Variants in ANKRD33B observed in about 807,000 individuals in gnomAD.
ANKRD33B encodes the protein ankyrin repeat domain 33B.
ANKRD33B carries 6 observed loss-of-function variants against 21.5 expected under a neutral mutation model. The observed-to-expected ratio is 0.28, with a 90% CI of 0.15 to 0.55. The LOEUF is 0.55. Among genes scored for constraint, ANKRD33B ranks in the 20% least tolerant of loss-of-function variants. The probability of loss-of-function intolerance (pLI) is 0.94; values close to 1 mark genes in which losing one functional copy is unlikely to be tolerated. For synonymous variants in ANKRD33B, 347 were observed against 342.4 expected (o/e 1.01, Z -0.15); for missense variants, 698 against 747.2 (o/e 0.93, Z 0.77).
intron 3 of ANKRD33B, among the ~76,000 whole-genome samples, chr5:10,648,625 A>G (rs1444153981): frequency 2.6e-5 from 4 of 152,264 alleles, no homozygotes; most frequent in East Asian, 1.9e-4. Flanking sequence ...CTGGCGTGGT[A>G]GCACATGCCT....
chr5:10,638,450 C>A (rs1736927042), intron 3 of ANKRD33B, among the ~76,000 whole-genome samples: 1 of 152,210 alleles, frequency 6.6e-6, no homozygotes, highest in African/African-American at 2.4e-5. Flanking sequence ...CCGTTCTACA[C>A]CCCAAGTCCT....
chr5:10,629,243 G>A (rs950424314), intron 2 of ANKRD33B, among the ~76,000 whole-genome samples: 4 of 152,298 alleles, frequency 2.6e-5, no homozygotes, highest in South Asian at 2.1e-4. Flanking sequence ...CCATGGGGAC[G>A]TGGTAGCCCA....
intron 3 of ANKRD33B, among the ~76,000 whole-genome samples, chr5:10,643,549 C>T (rs1737113727): frequency 6.6e-6 from 1 of 152,166 alleles, no homozygotes; most frequent in Non-Finnish European, 1.5e-5. Context: ...GGCATGGTGG[C>T]CCACGTCTGT....
At chr5:10,648,523 GC>G (rs1737240707) in intron 3 of ANKRD33B, among the ~76,000 whole-genome samples, 1 of 152,188 alleles carries the variant, frequency 6.6e-6, no homozygotes, top group African/African-American at 2.4e-5. Context: ...ACTTTGGGAG[GC>G]CGAGGCGGGT....
chr5:10,650,220 C>T lies in ANKRD33B; in HGVS notation c.*107C>T. On this transcript the variant is annotated 3_prime_UTR_variant, in exon 4 of 4. Coordinates refer to ENST00000296657, the MANE Select transcript of ANKRD33B (RefSeq NM_001164440.2). ...GTTGCGCATCGCACCACTTCCGCTC[C>T]ATGGACCACGGGGCTGCGCGCATTT... 8.2e-7 allele frequency: 1 copy of T among 1,216,468 alleles called. No individual in the cohort carries two copies. Among genetic ancestry groups the T allele is most frequent in the Non-Finnish European group, 1.1e-6 (1 of 929,104 alleles). 75.4% of individuals were successfully genotyped at this position (1,216,468 alleles called of 1,614,324 possible). A position where few individuals can be genotyped will look rare whatever the true frequency, so the allele number is the denominator to read the frequency against.
Position 10,649,886 on chromosome 5 carries a change from G to T in ANKRD33B, c.1258G>T (p.Gly420Cys). 3 of 1,505,070 alleles carry T rather than the reference G, an allele frequency of 2.0e-6. No homozygotes were observed. Among genetic ancestry groups the T allele is most frequent in the Non-Finnish European group, 1.8e-6 (2 of 1,132,784 alleles). 93.2% of individuals were successfully genotyped at this position (1,505,070 alleles called of 1,614,324 possible). Residue 420 changes from glycine to cysteine, a missense_variant, in exon 4 of 4, where the codon GGT becomes TGT. Physicochemically the swap from Gly to Cys is radical, Grantham distance 159. This residue lies in a region of ANKRD33B where 543 missense variants were observed against 566.5 expected (regional missense o/e 0.96). Transcript: ENST00000296657. ...CCTGCGGCGGAGAAGCGTGCGGCCC[G>T]GTGTGGTGGTGCCCCGGGTCCGAGT... is the stretch of plus-strand genomic sequence containing the variant. ...QRLRRRSVRP[G>C]VVVPRVRVSK...
intron 1 of ANKRD33B, among the ~76,000 whole-genome samples, chr5:10,587,711 C>G (rs550807028): frequency 6.6e-6 from 1 of 152,166 alleles, no homozygotes; most frequent in East Asian, 1.9e-4. Context: ...GCCAGATTAG[C>G]TATCTGTAAA....
At chr5:10,580,738 T>G (rs1735428017) in intron 1 of ANKRD33B, among the ~76,000 whole-genome samples, 2 of 152,090 alleles carry the variant, frequency 1.3e-5, no homozygotes, top group Admixed American at 1.3e-4. Flanking sequence ...TGGAGAGATG[T>G]TGACAGAAAT....
chr5:10,574,851 G>GGGC (rs1735281875), intron 1 of ANKRD33B, among the ~76,000 whole-genome samples: 2 of 57,392 alleles, frequency 3.5e-5, no homozygotes, highest in Non-Finnish European at 5.0e-5. Flanking sequence ...AGGCTGAAGC[G>GGGC]GGAGAGCTGC....
chr5:10,649,729 G>T lies in ANKRD33B; in HGVS notation c.1101G>T (p.Gln367His), dbSNP rs551808813. ...QEEDEVGGAG[Q>H]RGRTGQEDAD... is the part of the protein sequence containing the mutation. Reference sequence around the variant, plus strand: ...AGGATGAGGTGGGGGGCGCGGGGCAGCGCGGGCGGACCGGACAGGAGGACG... The same window carrying T: ...AGGATGAGGTGGGGGGCGCGGGGCATCGCGGGCGGACCGGACAGGAGGACG... The change falls in exon 4 of 4, where the codon CAG (glutamine) becomes CAT (histidine). Residue 367 changes from glutamine (Q) to histidine (H), a missense_variant. This residue lies in a region of ANKRD33B where 543 missense variants were observed against 566.5 expected (regional missense o/e 0.96). Transcript: ENST00000296657. 1,340 of 1,488,238 alleles carry T rather than the reference G, an allele frequency of 9.0e-4. 6 individuals are homozygous for T. In the African/African-American group the frequency reaches 0.015, roughly 17 times the overall value. The allele number at this position is 1,488,238 out of a possible 1,614,324, so 92.2% of individuals were successfully genotyped here.
intron 1 of ANKRD33B, among the ~76,000 whole-genome samples, chr5:10,581,127 C>T (rs573065954): frequency 6.6e-5 from 10 of 152,354 alleles, no homozygotes; most frequent in African/African-American, 2.4e-4. Context: ...GTCATGAAAG[C>T]ATCTGTGCCT....
At chr5:10,614,948 C>G (rs967458483) in intron 1 of ANKRD33B, among the ~76,000 whole-genome samples, 1 of 151,880 alleles carries the variant, frequency 6.6e-6, no homozygotes, top group Non-Finnish European at 1.5e-5. Context: ...CCCAAGGTGG[C>G]TGTCAGCAGG....
chr5:10,619,561 A>T lies in ANKRD33B; in HGVS notation c.496+1099A>T, dbSNP rs1414289087. ...CCCCTGTGGTGGGAGTGGTCTGGGC[A>T]CCCTACTTTTCAATCAAGACGAATA... On this transcript the variant is annotated intron_variant, in intron 2 of 3. Transcript: ENST00000296657. The surrounding 1 kb of genome is among the most constrained non-coding windows in gnomAD (Gnocchi z 4.5). 6.6e-6 allele frequency among the ~76,000 whole-genome samples: 1 copy of T among 152,090 alleles called. No individual in the cohort carries two copies. The highest frequency in any genetic ancestry group is 2.4e-5 in the African/African-American group (1 of 41,412).
chr5:10,568,851 A>C (rs1177588366), intron 1 of ANKRD33B, among the ~76,000 whole-genome samples: 2 of 152,042 alleles, frequency 1.3e-5, no homozygotes, highest in African/African-American at 2.4e-5. Context: ...GCGTGTTTAA[A>C]TTTCCAGGGT....
chr5:10,588,143 A>G (rs1334410208), intron 1 of ANKRD33B, among the ~76,000 whole-genome samples: 1 of 152,252 alleles, frequency 6.6e-6, no homozygotes, highest in African/African-American at 2.4e-5. Flanking sequence ...AAATATTCAG[A>G]TAACATAAAA....
At chr5:10,632,396 G>A (rs140382287) in intron 2 of ANKRD33B, among the ~76,000 whole-genome samples, 4 of 152,294 alleles carry the variant, frequency 2.6e-5, no homozygotes, top group African/African-American at 7.2e-5. Context: ...GAAGCCGGTC[G>A]GGCCCGGGTG....
intron 1 of ANKRD33B, among the ~76,000 whole-genome samples, chr5:10,577,584 G>A (rs1735352053): frequency 6.6e-6 from 1 of 152,186 alleles, no homozygotes; most frequent in South Asian, 2.1e-4. Flanking sequence ...AACATGTCAA[G>A]GCAGCCATCC....
At chr5:10,617,195 A>G (rs1736303571) in intron 1 of ANKRD33B, among the ~76,000 whole-genome samples, 1 of 152,160 alleles carries the variant, frequency 6.6e-6, no homozygotes, top group African/African-American at 2.4e-5. Flanking sequence ...TAATTAATAG[A>G]TCTACAAAAT....
chr5:10,578,371 A>C (rs139001126), intron 1 of ANKRD33B, among the ~76,000 whole-genome samples: 4 of 152,340 alleles, frequency 2.6e-5, no homozygotes, highest in Non-Finnish European at 5.9e-5. Flanking sequence ...CTTTAGCACT[A>C]TCTGGCCCCT....
Sources: gnomAD v4.1 joint callset for allele counts (sites outside exome capture counted in the v4.1 genomes callset) on GRCh38, gnomAD v4.1.1 for gene constraint, gnomAD v4.1.1 regional missense constraint, Gnocchi (gnomAD v3.1) non-coding constraint, MANE v1.5 for transcripts, NCBI Gene and HGNC (gene_info 2026-07-23, HGNC 2026-07-21) for gene names.